The following CFAP46 variants were observed in gnomAD, a reference collection of about 807,000 sequenced individuals.
CFAP46 encodes cilia- and flagella-associated protein 46.
In CFAP46, 245 loss-of-function variants were observed where a neutral mutation model predicts 325.7. The ratio of observed to expected loss-of-function variants is 0.75; its 90% CI spans 0.68 to 0.84. CFAP46 has a LOEUF of 0.84. Ranked by LOEUF, CFAP46 falls within the 40% of genes least tolerant of loss-of-function variation. CFAP46 has a pLI of 0.00. For missense variants in CFAP46, 3,346 were observed against 3,543.0 expected (o/e 0.94, Z 1.41); for synonymous variants, 1,523 against 1,495.9 (o/e 1.02, Z -0.42).
At chr10:132,852,448 T>C (rs935803613) in intron 39 of CFAP46, among the ~76,000 whole-genome samples, 1 of 149,408 alleles carries the variant, frequency 6.7e-6, no homozygotes, top group Non-Finnish European at 1.5e-5. Context: ...CAGATCCTGA[T>C]CCACAGACGT....
rs1848517668 is a variant in CFAP46, at chr10:132,850,390, C to A, written c.5806G>T (p.Ala1936Ser). ...AGCGGCTGCAGGCTCCCCAGCTGTG[C>A]CAGTGCCCCGTGTGCTAGAGTCCGC... is the stretch of plus-strand genomic sequence containing the variant. Reference protein sequence around the residue: ...LKRTLAHGALAQLGSLQPLSV... With the variant: ...LKRTLAHGALSQLGSLQPLSV... The change falls in exon 41 of 58, where the codon GCA becomes TCA. Residue 1936 changes from alanine (A) to serine (S), a missense_variant. Physicochemically the swap from Ala to Ser is moderately conservative, Grantham distance 99. Transcript: ENST00000368586. 6.3e-7 allele frequency: 1 copy of A among 1,578,702 alleles called. No individual in the cohort carries two copies. The highest frequency in any genetic ancestry group is 8.6e-7 in the Non-Finnish European group (1 of 1,161,946).
intron 29 of CFAP46, 90 bp from the exon 30 acceptor site, chr10:132,878,177 G>C: frequency 1.6e-6 from 2 of 1,219,034 alleles, no homozygotes; most frequent in Non-Finnish European, 2.3e-6. Context: ...GGGACGCTCA[G>C]ACCCGCGGGG....
chr10:132,928,278 G>A (rs1377078316), intron 9 of CFAP46, among the ~76,000 whole-genome samples: 3 of 152,192 alleles, frequency 2.0e-5, no homozygotes, highest in Non-Finnish European at 2.9e-5. Context: ...GGACCCAGGC[G>A]TTCCATAGTC....
intron 43 of CFAP46, 88 bp downstream of exon 43, chr10:132,846,844 C>A (rs1052652003): frequency 3.5e-6 from 5 of 1,444,208 alleles, no homozygotes; most frequent in Non-Finnish European, 4.6e-6. Context: ...CTAATGGAGT[C>A]CCCCCAAGGC....
rs1564784770 is a variant in CFAP46 at position 132,867,518 on chromosome 10, G to A, written c.4611-11C>T. 6.5e-7 allele frequency: 1 copy of A among 1,548,860 alleles called. No individual in the cohort carries two copies. Among genetic ancestry groups the A allele is most frequent in the Non-Finnish European group, 8.7e-7 (1 of 1,146,730 alleles). On this transcript the variant is annotated splice_polypyrimidine_tract_variant and intron_variant, in intron 33 of 57. Coordinates refer to ENST00000368586, the MANE Select transcript of CFAP46 (RefSeq NM_001200049.3). Reference sequence around the variant, plus strand: ...ATCTCTTTTCTGCAGCTAATGCGAGGAAAACAGACAATACGCAAGAGCCAC... The same window carrying A: ...ATCTCTTTTCTGCAGCTAATGCGAGAAAAACAGACAATACGCAAGAGCCAC...
intron 20 of CFAP46, 109 bp downstream of exon 20, chr10:132,909,810 G>T: frequency 9.6e-7 from 1 of 1,038,234 alleles, no homozygotes; most frequent in Non-Finnish European, 1.3e-6. Context: ...ATCCGTGATG[G>T]CTCCATCTGG....
chr10:132,880,231 C>T (rs990975828), intron 28 of CFAP46, among the ~76,000 whole-genome samples: 1 of 152,238 alleles, frequency 6.6e-6, no homozygotes, highest in Admixed American at 6.5e-5. Context: ...CCTGCGCTCC[C>T]CACAGAGTTT....
At chr10:132,881,799 C>T (rs1337689156) in intron 27 of CFAP46, among the ~76,000 whole-genome samples, 4 of 150,882 alleles carry the variant, frequency 2.7e-5, no homozygotes, top group Admixed American at 6.5e-5. Flanking sequence ...CAGATGTCGC[C>T]GCCACTTCAT....
At chr10:132,913,815 CGT>C (rs1490015762) in intron 17 of CFAP46, among the ~76,000 whole-genome samples, 1 of 103,508 alleles carries the variant, frequency 9.7e-6, no homozygotes, top group African/African-American at 5.7e-5. Flanking sequence ...TGGGGCAGAG[CGT>C]CTCTGCCCCA....
intron 4 of CFAP46, among the ~76,000 whole-genome samples, chr10:132,940,348 A>T (rs1850077758): frequency 6.6e-6 from 1 of 152,068 alleles, no homozygotes; most frequent in South Asian, 2.1e-4. Context: ...AACTGATTTG[A>T]ATAGGATATG....
chr10:132,903,531 C>T (rs1018889932), intron 22 of CFAP46, among the ~76,000 whole-genome samples: 1 of 152,224 alleles, frequency 6.6e-6, no homozygotes, highest in African/African-American at 2.4e-5. Flanking sequence ...GTGAAGCTCC[C>T]TTAGGCAGAA....
chr10:132,808,940 GC>G lies in CFAP46; in HGVS notation c.7665-37del. 1 of 1,532,102 alleles carries G rather than the reference GC, an allele frequency of 6.5e-7. No individual in the cohort carries two copies. The highest frequency in any genetic ancestry group is 8.8e-7 in the Non-Finnish European group (1 of 1,135,264). 94.9% of individuals were successfully genotyped at this position (1,532,102 alleles called of 1,614,324 possible). A position where few individuals can be genotyped will look rare whatever the true frequency, so the allele number is the denominator to read the frequency against. On this transcript the variant is annotated intron_variant, in intron 57 of 57. Transcript: ENST00000368586. The surrounding 1 kb of genome is among the most constrained non-coding windows in gnomAD (Gnocchi z 6.8). ...AGGGGCGGGAGCTATGAACCCCGAG[GC>G]CCCGCAGGACGTCCAGCCCGGTGAG...
At chr10:132,927,536 G>A (rs1052108825) in intron 9 of CFAP46, among the ~76,000 whole-genome samples, 2 of 152,214 alleles carry the variant, frequency 1.3e-5, no homozygotes, top group Non-Finnish European at 2.9e-5. Flanking sequence ...AGCGCAGGAG[G>A]CCACCACCCC....
At chr10:132,921,579 G>C (rs1466404441) in intron 13 of CFAP46, among the ~76,000 whole-genome samples, 1 of 152,280 alleles carries the variant, frequency 6.6e-6, no homozygotes, top group East Asian at 1.9e-4. Flanking sequence ...CCCAGAGCAG[G>C]GTGTGTTGAA....
chr10:132,847,698 G>A lies in CFAP46; in HGVS notation c.5953-377C>T, dbSNP rs1436077361. Among the ~76,000 whole-genome samples the A allele has an allele frequency of 6.6e-6, 1 of 152,116 alleles. No individual in the cohort carries two copies. The highest frequency in any genetic ancestry group is 1.5e-5 in the Non-Finnish European group (1 of 67,998). On this transcript the variant is annotated intron_variant, in intron 41 of 57. Transcript: ENST00000368586. This position sits in a 1 kb window ranked among gnomAD's most constrained non-coding sequence, Gnocchi z 5.2. ...CGGAACCAGCCAGCACTGAGGCTGAGGCATCCACCAGCCCTCAGGGGCCCC... is the reference window on the plus strand; with the variant it reads ...CGGAACCAGCCAGCACTGAGGCTGAAGCATCCACCAGCCCTCAGGGGCCCC...
chr10:132,824,139 G>GCA (rs1847972628), intron 50 of CFAP46, among the ~76,000 whole-genome samples: 1 of 141,412 alleles, frequency 7.1e-6, no homozygotes, highest in Admixed American at 7.1e-5. Flanking sequence ...CTGTGTGTGT[G>GCA]CTGATGTGTG....
At chr10:132,912,607 C>G in intron 19 of CFAP46, 48 bp downstream of exon 19, 4 of 327,592 alleles carry the variant, frequency 1.2e-5, no homozygotes, top group Non-Finnish European at 1.7e-5. Flanking sequence ...CCTCTCTCCT[C>G]TCTCTCTCTC....
intron 44 of CFAP46, among the ~76,000 whole-genome samples, chr10:132,838,281 G>A (rs747057544): frequency 1.3e-5 from 2 of 152,282 alleles, no homozygotes; most frequent in Non-Finnish European, 2.9e-5. Context: ...CCATCGAGCT[G>A]TGAGGCTTCT....
Position 132,917,769 on chromosome 10 carries a change from G to A in CFAP46, c.1986+624C>T, listed in dbSNP as rs189947376. ...GAAGGTTCTATGACAATAAATATCT[G>A]CAGTGGGTTAACAGGCCACGTGGAC... On this transcript the variant is annotated intron_variant, in intron 16 of 57. Coordinates refer to ENST00000368586, the MANE Select transcript of CFAP46 (RefSeq NM_001200049.3). Among the ~76,000 whole-genome samples the A allele has an allele frequency of 4.9e-4, 75 of 152,260 alleles. 1 individual carries two copies. The highest frequency in any genetic ancestry group is 1.8e-3 in the African/African-American group (73 of 41,536).
Sources: gnomAD v4.1 joint callset for allele counts (sites outside exome capture counted in the v4.1 genomes callset) on GRCh38, gnomAD v4.1.1 for gene constraint, Gnocchi (gnomAD v3.1) non-coding constraint, MANE v1.5 for transcripts, NCBI Gene and HGNC (gene_info 2026-07-23, HGNC 2026-07-21) for gene names.